The following ITCH variants were observed in gnomAD, a reference collection of about 807,000 sequenced individuals.
The protein encoded by ITCH is E3 ubiquitin-protein ligase Itchy homolog.
In ITCH, 28 loss-of-function variants were observed where a neutral mutation model predicts 126.8. The observed-to-expected ratio is 0.22, with a 90% CI of 0.16 to 0.30. The LOEUF (loss-of-function observed/expected upper bound fraction) is 0.30, where lower values mean the gene tolerates loss of function less well. ITCH is among the 10% of genes least tolerant of loss of function. The pLI is 1.00. For missense variants in ITCH, 631 were observed against 1,032.4 expected (o/e 0.61, Z 5.33); for synonymous variants, 342 against 340.0 (o/e 1.01, Z -0.06).
chr20:34,405,783 T>A (rs937549651), intron 3 of ITCH, among the ~76,000 whole-genome samples: 6 of 151,792 alleles, frequency 4.0e-5, no homozygotes, highest in African/African-American at 7.3e-5. Context: ...AATAGTACTT[T>A]TTTTTTATTT....
intron 16 of ITCH, among the ~76,000 whole-genome samples, chr20:34,475,411 G>A (rs1306847767): frequency 6.6e-6 from 1 of 152,202 alleles, no homozygotes; most frequent in South Asian, 2.1e-4. Context: ...CCGGCACCTC[G>A]GGAGGCCAAG....
intron 3 of ITCH, among the ~76,000 whole-genome samples, chr20:34,396,705 A>T (rs1056421955): frequency 1.5e-4 from 23 of 151,890 alleles, no homozygotes; most frequent in African/African-American, 5.6e-4. Flanking sequence ...TACTCCTTTG[A>T]TGGCTAATGA....
At chr20:34,447,541 C>T (rs866841242) in intron 11 of ITCH, among the ~76,000 whole-genome samples, 19 of 152,238 alleles carry the variant, frequency 1.2e-4, no homozygotes, top group South Asian at 2.1e-4. Context: ...GACAGTAAAA[C>T]ACTGTGAAAT....
chr20:34,494,782 A>G (rs1374461801), intron 23 of ITCH, among the ~76,000 whole-genome samples: 1 of 151,546 alleles, frequency 6.6e-6, no homozygotes, highest in Non-Finnish European at 1.5e-5. Context: ...AATATAGGGA[A>G]ACCCTGTCTC....
intron 2 of ITCH, among the ~76,000 whole-genome samples, chr20:34,371,694 A>G (rs1435289502): frequency 6.6e-6 from 1 of 152,208 alleles, no homozygotes; most frequent in Non-Finnish European, 1.5e-5. Flanking sequence ...TATTTAAAAT[A>G]TCTTTAAAAT....
chr20:34,384,569 G>A (rs1313127213), intron 2 of ITCH, among the ~76,000 whole-genome samples: 3 of 151,738 alleles, frequency 2.0e-5, no homozygotes, highest in Non-Finnish European at 2.9e-5. Context: ...TTGAGCCGCC[G>A]TGCCCAGCTG....
chr20:34,424,601 A>G, intron 7 of ITCH, 76 bp downstream of exon 7: 1 of 1,190,250 alleles, frequency 8.4e-7, no homozygotes, highest in South Asian at 1.2e-5. Flanking sequence ...TGTAAACTTC[A>G]GGTTCATGAT....
chr20:34,495,076 T>A (rs13041646), intron 23 of ITCH, among the ~76,000 whole-genome samples: 70,131 of 137,474 alleles, frequency 0.51, 17,334 homozygotes, highest in Middle Eastern at 0.55. Context: ...TCGTGGTAAA[T>A]CCCCTTCTCT....
intron 3 of ITCH, among the ~76,000 whole-genome samples, chr20:34,401,971 CG>C (rs571424785): frequency 6.6e-6 from 1 of 151,882 alleles, no homozygotes; most frequent in Non-Finnish European, 1.5e-5. Flanking sequence ...GCTAGGGATA[CG>C]GGGGGGCGGC....
rs200838907 is a variant in ITCH, at chr20:34,489,403, C to A, written c.2214+17C>A. The A allele has an allele frequency of 6.2e-7, 1 of 1,608,654 alleles. No homozygotes were observed. Among genetic ancestry groups the A allele is most frequent in the Non-Finnish European group, 8.5e-7 (1 of 1,176,606 alleles). ...GAATTAGAGGTAATGAATTTTCCTT[C>A]ATTCCCCTGTACCATGCTAGTAAAT... On this transcript the variant is annotated intron_variant, in intron 21 of 24. Coordinates refer to ENST00000374864, the MANE Select transcript of ITCH (RefSeq NM_031483.7).
rs189049492 is a variant in ITCH at position 34,433,407 on chromosome 20, A to T, written c.522-5067A>T. On this transcript the variant is annotated intron_variant, in intron 7 of 24. Transcript: ENST00000374864. ...AAGAAATAAGAAATCCAGGCAGGGC[A>T]TGGTGGCTCACGCCTGTAATCACAC... Among the ~76,000 whole-genome samples, 133 of 152,196 alleles carry T rather than the reference A, an allele frequency of 8.7e-4. 3 individuals carry two copies. The highest frequency in any genetic ancestry group is 1.5e-4 in the Non-Finnish European group (10 of 68,006).
intron 14 of ITCH, among the ~76,000 whole-genome samples, chr20:34,469,235 A>ACACACACACACT (rs1210367982): frequency 6.6e-6 from 1 of 151,746 alleles, no homozygotes; most frequent in Non-Finnish European, 1.5e-5. Context: ...ACACACACAC[A>ACACACACACACT]CACACACACA....
rs1010544824 is a variant in ITCH at position 34,376,459 on chromosome 20, C to CATAA, written c.-22+7007_-22+7010dup. Among the ~76,000 whole-genome samples the CATAA allele has an allele frequency of 4.5e-3, 681 of 150,142 alleles. 15 individuals are homozygous for CATAA. Among genetic ancestry groups the CATAA allele is most frequent in the African/African-American group, 0.015 (619 of 40,348 alleles). On this transcript the variant is annotated intron_variant, in intron 2 of 24. Coordinates refer to ENST00000374864, the MANE Select transcript of ITCH (RefSeq NM_031483.7). ...TGTGACCGTGTCTCAAAAATAAATA[C>CATAA]ATAAATAAATAAATAAATAAAACAG...
chr20:34,393,791 G>A lies in ITCH; in HGVS notation c.-21G>A. 6.2e-7 allele frequency: 1 copy of A among 1,600,600 alleles called. No individual in the cohort carries two copies. ...ACAGTGTCTCCTTTGCCATGTTCAG[G>A]TTTTCCAACCTATTGGTGGTATGTC... On this transcript the variant is annotated splice_region_variant and 5_prime_UTR_variant, in exon 3 of 25. Coordinates refer to ENST00000374864, the MANE Select transcript of ITCH (RefSeq NM_031483.7).
intron 24 of ITCH, among the ~76,000 whole-genome samples, chr20:34,504,732 C>T (rs1990513185): frequency 1.3e-5 from 2 of 152,076 alleles, no homozygotes; most frequent in South Asian, 4.1e-4. Flanking sequence ...AATTACATTT[C>T]TAAAAATGTA....
At chr20:34,372,899 C>T (rs934887599) in intron 2 of ITCH, among the ~76,000 whole-genome samples, 15 of 151,356 alleles carry the variant, frequency 9.9e-5, no homozygotes, top group Non-Finnish European at 1.2e-4. Context: ...GTAAATGTTA[C>T]AAGAGTTTCA....
intron 23 of ITCH, among the ~76,000 whole-genome samples, chr20:34,502,755 A>G (rs925330382): frequency 1.3e-5 from 2 of 151,712 alleles, no homozygotes; most frequent in African/African-American, 2.4e-5. Context: ...ATGATGGCTC[A>G]TGCCTGTAAT....
intron 24 of ITCH, among the ~76,000 whole-genome samples, chr20:34,505,462 C>T (rs1235535427): frequency 3.3e-5 from 5 of 152,154 alleles, no homozygotes; most frequent in African/African-American, 1.2e-4. Context: ...CTTTTTACCC[C>T]GTGTAGCCCT....
At chr20:34,373,780 T>G (rs1038592145) in intron 2 of ITCH, among the ~76,000 whole-genome samples, 5 of 152,226 alleles carry the variant, frequency 3.3e-5, no homozygotes, top group Non-Finnish European at 5.9e-5. Context: ...ATATTGAGCT[T>G]AACTCACTCC....
Sources: allele counts gnomAD v4.1 joint callset (sites outside exome capture counted in the v4.1 genomes callset), GRCh38; gene constraint gnomAD v4.1.1; transcripts MANE v1.5; gene names NCBI Gene and HGNC (gene_info 2026-07-23, HGNC 2026-07-21).